The following SPOCK1 variants were observed in gnomAD, a reference collection of about 807,000 sequenced individuals.
The protein encoded by SPOCK1 is SPARC (osteonectin), cwcv and kazal like domains proteoglycan 1, also known as testican-1.
A neutral mutation model predicts 55.3 loss-of-function variants in SPOCK1; 23 were observed. That is an observed-to-expected ratio of 0.42 (90% CI 0.30 to 0.59). The LOEUF is 0.59. Ranked by LOEUF, SPOCK1 falls within the 20% of genes least tolerant of loss-of-function variation. The pLI is 0.22. For missense variants in SPOCK1, 499 were observed against 552.5 expected (o/e 0.90, Z 0.97); for synonymous variants, 226 against 221.0 (o/e 1.02, Z -0.20).
chr5:136,985,841 A>C (rs1275598701), intron 8 of SPOCK1, among the ~76,000 whole-genome samples: 2 of 152,212 alleles, frequency 1.3e-5, no homozygotes, highest in African/African-American at 4.8e-5. Flanking sequence ...CATTCTAAGC[A>C]AAATGAAAAG....
chr5:137,493,449 T>A (rs1754231477), intron 2 of SPOCK1, among the ~76,000 whole-genome samples: 1 of 152,142 alleles, frequency 6.6e-6, no homozygotes, highest in Non-Finnish European at 1.5e-5. Flanking sequence ...TGCTGAAGTA[T>A]CATGGAGAGG....
intron 3 of SPOCK1, among the ~76,000 whole-genome samples, chr5:137,206,457 A>G (rs1427066954): frequency 1.3e-5 from 2 of 152,226 alleles, no homozygotes; most frequent in Non-Finnish European, 2.9e-5. Flanking sequence ...CAACAAGGTG[A>G]AATTATTTTA....
chr5:137,270,595 T>C, intron 2 of SPOCK1, among the ~76,000 whole-genome samples: 1 of 152,214 alleles, frequency 6.6e-6, no homozygotes. Flanking sequence ...CAACCCTTTT[T>C]TAGAGATTGT....
chr5:137,305,540 A>C (rs952809003), intron 2 of SPOCK1, among the ~76,000 whole-genome samples: 14 of 152,188 alleles, frequency 9.2e-5, no homozygotes, highest in African/African-American at 3.4e-4. Flanking sequence ...GCTCCATGGG[A>C]TGTCAGCCAC....
At chr5:137,480,814 G>A (rs1046881414) in intron 2 of SPOCK1, among the ~76,000 whole-genome samples, 4 of 152,150 alleles carry the variant, frequency 2.6e-5, no homozygotes, top group Non-Finnish European at 5.9e-5. Flanking sequence ...AATACCTCCT[G>A]GCTAAGGAGA....
chr5:137,204,110 TA>T (rs536180147), intron 3 of SPOCK1, among the ~76,000 whole-genome samples: 10 of 152,328 alleles, frequency 6.6e-5, no homozygotes, highest in African/African-American at 2.2e-4. Context: ...AGCCTTGTTT[TA>T]CTCCTCTGTA....
chr5:137,420,457 T>G (rs1014708398), intron 2 of SPOCK1, among the ~76,000 whole-genome samples: 23 of 152,362 alleles, frequency 1.5e-4, no homozygotes, highest in African/African-American at 5.3e-4. Context: ...AGCTATTAAT[T>G]ATTGCCTCAA....
intron 6 of SPOCK1, among the ~76,000 whole-genome samples, chr5:137,024,937 G>T (rs1469924320): frequency 6.6e-6 from 1 of 152,120 alleles, no homozygotes; most frequent in African/African-American, 2.4e-5. Flanking sequence ...TTAAAAAGAA[G>T]GAAAACTCAT....
chr5:137,418,253 C>G (rs562552616), intron 2 of SPOCK1, among the ~76,000 whole-genome samples: 2 of 151,996 alleles, frequency 1.3e-5, no homozygotes, highest in Non-Finnish European at 2.9e-5. Context: ...TGAATAGTGC[C>G]GCAATAAACA....
chr5:137,272,331 T>C lies in SPOCK1; in HGVS notation c.187-5276A>G, dbSNP rs923078295. Among the ~76,000 whole-genome samples the C allele has an allele frequency of 2.6e-5, 4 of 152,238 alleles. No individual in the cohort carries two copies. The East Asian group carries it at 7.7e-4, about 29-fold the overall frequency. On this transcript the variant is annotated intron_variant, in intron 2 of 10. Coordinates refer to ENST00000394945, the MANE Select transcript of SPOCK1 (RefSeq NM_004598.4). ...AATGTCCCCGAAATGATAATAGAAG[T>C]CACCAGAAAAGTGAGATTTCCAGAC...
intron 2 of SPOCK1, among the ~76,000 whole-genome samples, chr5:137,269,789 C>T (rs1434674809): frequency 1.3e-5 from 2 of 152,096 alleles, no homozygotes; most frequent in African/African-American, 4.8e-5. Context: ...CCCTGAGACC[C>T]ACTTAACGAT....
At chr5:137,161,987 G>A (rs574884708) in intron 3 of SPOCK1, among the ~76,000 whole-genome samples, 1 of 152,206 alleles carries the variant, frequency 6.6e-6, no homozygotes, top group African/African-American at 2.4e-5. Context: ...CAGATCCCCA[G>A]CAAAATATTT....
chr5:136,998,365 T>C (rs1751087116), intron 6 of SPOCK1, among the ~76,000 whole-genome samples: 1 of 152,228 alleles, frequency 6.6e-6, no homozygotes, highest in Non-Finnish European at 1.5e-5. Flanking sequence ...AGGTACTATG[T>C]AGTAGTTGTT....
intron 2 of SPOCK1, among the ~76,000 whole-genome samples, chr5:137,459,470 C>G (rs190803788): frequency 0.011 from 1,388 of 125,508 alleles, 9 homozygotes; most frequent in Non-Finnish European, 0.016. Context: ...TTTTTTAATT[C>G]ATTGCTCACA....
At chr5:137,279,866 A>G (rs1757136012) in intron 2 of SPOCK1, among the ~76,000 whole-genome samples, 2 of 152,186 alleles carry the variant, frequency 1.3e-5, no homozygotes, top group African/African-American at 4.8e-5. Context: ...TGTGTGAATC[A>G]TTATGAAGCA....
At chr5:137,079,364 G>A (rs1257376894) in intron 5 of SPOCK1, among the ~76,000 whole-genome samples, 8 of 152,202 alleles carry the variant, frequency 5.3e-5, no homozygotes, top group Admixed American at 5.2e-4. Flanking sequence ...CTAACCACCT[G>A]CTGAACAATC....
intron 7 of SPOCK1, among the ~76,000 whole-genome samples, chr5:136,990,014 C>T (rs1750916560): frequency 6.6e-6 from 1 of 152,032 alleles, no homozygotes; most frequent in Non-Finnish European, 1.5e-5. Context: ...GGGTTCGCAC[C>T]ATTCTCCTGC....
intron 2 of SPOCK1, among the ~76,000 whole-genome samples, chr5:137,491,340 C>T (rs571178580): frequency 6.6e-6 from 1 of 152,324 alleles, no homozygotes; most frequent in Admixed American, 6.5e-5. Flanking sequence ...CTCAACAGCA[C>T]TGCATTTGTT....
intron 7 of SPOCK1, among the ~76,000 whole-genome samples, 158 bp downstream of exon 7, chr5:136,992,326 T>G (rs13181865): frequency 0.02 from 3,106 of 152,330 alleles, 42 homozygotes; most frequent in Non-Finnish European, 0.03. Flanking sequence ...ATGCCTATAC[T>G]AAACATTTTT....
Sources: allele counts gnomAD v4.1 joint callset (sites outside exome capture counted in the v4.1 genomes callset), GRCh38; gene constraint gnomAD v4.1.1; transcripts MANE v1.5; gene names NCBI Gene and HGNC (gene_info 2026-07-23, HGNC 2026-07-21).